IPO5: variants seen among roughly 807,000 people sequenced by gnomAD.
IPO5 encodes importin 5.
Under a neutral mutation model 143.3 loss-of-function variants are expected in IPO5, and 18 were observed. That is an observed-to-expected ratio of 0.13 (90% CI 0.09 to 0.19). IPO5 has a LOEUF of 0.19. Ranked by LOEUF, IPO5 falls within the 10% of genes least tolerant of loss-of-function variation. The pLI is 1.00. For synonymous variants in IPO5, 477 were observed against 465.7 expected (o/e 1.02, Z -0.31); for missense variants, 1,013 against 1,336.9 (o/e 0.76, Z 3.78).
chr13:98,018,708 CGTTTGCTTATTCCG>C lies in IPO5; in HGVS notation c.2836+5_2836+18del. On this transcript the variant is annotated splice_donor_5th_base_variant and intron_variant, in intron 26 of 28. Transcript: ENST00000651721. Reference sequence around the variant, plus strand: ...AATTATCGCCCTTTTTGTACAGGTACGTTTGCTTATTCCGTTACGTGCATTTCATTCCAGACATC... The same window carrying C: ...AATTATCGCCCTTTTTGTACAGGTACTTACGTGCATTTCATTCCAGACATC... The C allele has an allele frequency of 6.2e-7, 1 of 1,608,746 alleles. No homozygotes were observed. Among genetic ancestry groups the C allele is most frequent in the Non-Finnish European group, 8.5e-7 (1 of 1,175,238 alleles).
chr13:97,954,108 A>G lies in IPO5; in HGVS notation c.-192-11A>G. 1 of 282,024 alleles carries G rather than the reference A, an allele frequency of 3.5e-6. No individual in the cohort carries two copies. The allele number at this position is 282,024 out of a possible 1,614,324, so 17.5% of individuals were successfully genotyped here. Reference sequence around the variant, plus strand: ...CTGAAACAGTCAGAAATCAGTTTTTATTTCACTTAGGTGGTTCCGGGGAGA... The same window carrying G: ...CTGAAACAGTCAGAAATCAGTTTTTGTTTCACTTAGGTGGTTCCGGGGAGA... On this transcript the variant is annotated splice_polypyrimidine_tract_variant and intron_variant, in intron 1 of 28. Coordinates refer to ENST00000651721, the MANE Select transcript of IPO5 (RefSeq NM_002271.6).
At chr13:97,989,782 G>A (rs1325333446) in intron 7 of IPO5, among the ~76,000 whole-genome samples, 1 of 152,106 alleles carries the variant, frequency 6.6e-6, no homozygotes, top group Admixed American at 6.6e-5. Context: ...GCAGATGGCC[G>A]GAGAGCATAG....
chr13:98,008,614 AACAG>A (rs1215398836), intron 18 of IPO5, among the ~76,000 whole-genome samples: 2 of 152,132 alleles, frequency 1.3e-5, no homozygotes, highest in African/African-American at 4.8e-5. Context: ...TCCGCCAACG[AACAG>A]ACAAAGGCAT....
At chr13:97,969,604 C>T (rs1263051972) in intron 2 of IPO5, 119 bp from the exon 3 acceptor site, 1 of 620,886 alleles carries the variant, frequency 1.6e-6, no homozygotes, top group Non-Finnish European at 2.9e-6. Flanking sequence ...CAACTCTTAA[C>T]CAGTCTTTGA....
intron 11 of IPO5, among the ~76,000 whole-genome samples, chr13:97,995,507 G>A (rs1366609348): frequency 1.3e-5 from 2 of 152,076 alleles, no homozygotes; most frequent in Non-Finnish European, 2.9e-5. Flanking sequence ...TGCAATCTCA[G>A]CACTTTGGGA....
intron 11 of IPO5, among the ~76,000 whole-genome samples, chr13:97,996,972 GTAA>G (rs1453740510): frequency 6.6e-6 from 1 of 152,092 alleles, no homozygotes; most frequent in Non-Finnish European, 1.5e-5. Context: ...AAGAAAAGAT[GTAA>G]TAATCTCATC....
intron 2 of IPO5, among the ~76,000 whole-genome samples, chr13:97,961,087 C>G (rs1223409697): frequency 6.6e-6 from 1 of 152,150 alleles, no homozygotes; most frequent in African/African-American, 2.4e-5. Context: ...AATGTGTGGT[C>G]TTTTTGTCTG....
intron 9 of IPO5, among the ~76,000 whole-genome samples, chr13:97,991,513 G>C (rs1200029947): frequency 3.9e-5 from 6 of 152,220 alleles, no homozygotes; most frequent in Non-Finnish European, 8.8e-5. Flanking sequence ...ATGCTTGGGA[G>C]TAGAAGTGTT....
At chr13:97,980,308 C>G (rs1267852339) in intron 4 of IPO5, among the ~76,000 whole-genome samples, 1 of 152,152 alleles carries the variant, frequency 6.6e-6, no homozygotes, top group Non-Finnish European at 1.5e-5. Context: ...TGGAACATAT[C>G]ACATGGAGAG....
At chr13:97,983,133 A>G (rs1190864372) in intron 5 of IPO5, among the ~76,000 whole-genome samples, 1 of 152,212 alleles carries the variant, frequency 6.6e-6, no homozygotes, top group Non-Finnish European at 1.5e-5. Flanking sequence ...AGCCTCCGAA[A>G]GTGCTGGGAT....
At chr13:97,986,350 G>A (rs1887342996) in intron 6 of IPO5, among the ~76,000 whole-genome samples, 1 of 150,142 alleles carries the variant, frequency 6.7e-6, no homozygotes, top group African/African-American at 2.4e-5. Context: ...GCTATACTAT[G>A]TATATATATA....
intron 11 of IPO5, among the ~76,000 whole-genome samples, chr13:97,997,096 A>G (rs887313369): frequency 6.6e-6 from 1 of 152,204 alleles, no homozygotes; most frequent in African/African-American, 2.4e-5. Flanking sequence ...TGAAATCCTT[A>G]TGTGTTGAGA....
chr13:97,993,403 A>G (rs1334403016), intron 11 of IPO5, among the ~76,000 whole-genome samples, 178 bp downstream of exon 11: 1 of 152,248 alleles, frequency 6.6e-6, no homozygotes, highest in Non-Finnish European at 1.5e-5. Flanking sequence ...CATTGTGGTT[A>G]TGCCTTTAAG....
intron 2 of IPO5, among the ~76,000 whole-genome samples, chr13:97,958,618 T>C (rs888973201): frequency 7.9e-5 from 12 of 151,778 alleles, no homozygotes; most frequent in African/African-American, 2.9e-4. Flanking sequence ...CTCACAAACC[T>C]TGGATCGGCC....
intron 3 of IPO5, among the ~76,000 whole-genome samples, chr13:97,972,514 G>C (rs902327957): frequency 6.6e-6 from 1 of 152,188 alleles, no homozygotes; most frequent in Non-Finnish European, 1.5e-5. Context: ...AGTTGAGAGA[G>C]ACTTTGTTTT....
intron 4 of IPO5, chr13:97,977,170 A>C (rs1886441450): frequency 6.5e-6 from 1 of 154,566 alleles, no homozygotes; most frequent in African/African-American, 2.4e-5. Flanking sequence ...CTGCCCTTCC[A>C]GCCGCTGTCT....
intron 2 of IPO5, among the ~76,000 whole-genome samples, chr13:97,957,217 A>G (rs1884522533): frequency 6.6e-6 from 1 of 151,304 alleles, no homozygotes; most frequent in African/African-American, 2.4e-5. Flanking sequence ...CTATTTTTTG[A>G]GACTGAGTCT....
At chr13:97,972,774 A>T (rs914190401) in intron 3 of IPO5, among the ~76,000 whole-genome samples, 6 of 152,186 alleles carry the variant, frequency 3.9e-5, no homozygotes, top group African/African-American at 1.4e-4. Flanking sequence ...TTGCATTTTT[A>T]CTTCCAATTA....
chr13:98,008,385 T>G (rs953346935), intron 18 of IPO5, among the ~76,000 whole-genome samples: 1 of 152,176 alleles, frequency 6.6e-6, no homozygotes, highest in Admixed American at 6.5e-5. Flanking sequence ...TATCCAAGGC[T>G]CTCTTCTCAC....
Sources: gnomAD v4.1 joint callset for allele counts (sites outside exome capture counted in the v4.1 genomes callset) on GRCh38, gnomAD v4.1.1 for gene constraint, MANE v1.5 for transcripts, NCBI Gene and HGNC (gene_info 2026-07-23, HGNC 2026-07-21) for gene names.